The following PRIM2 variants were observed in gnomAD, a reference collection of about 807,000 sequenced individuals.
PRIM2 encodes DNA primase large subunit.
Under a neutral mutation model 67.3 loss-of-function variants are expected in PRIM2, and 39 were observed. That is an observed-to-expected ratio of 0.58 (90% CI 0.45 to 0.76). The LOEUF is 0.76. Ranked by LOEUF, PRIM2 falls within the 30% of genes least tolerant of loss-of-function variation. The pLI is 0.00. For synonymous variants in PRIM2, 143 were observed against 198.7 expected (o/e 0.72, Z 2.36); for missense variants, 398 against 598.7 (o/e 0.66, Z 3.50).
chr6:57,467,307 G>C (rs1180200646), intron 7 of PRIM2, among the ~76,000 whole-genome samples: 1 of 151,628 alleles, frequency 6.6e-6, no homozygotes, highest in Non-Finnish European at 1.5e-5. Flanking sequence ...TTTGTGAAAG[G>C]TGTAAGGAAG....
chr6:57,369,354 A>G lies in PRIM2; in HGVS notation c.460-10547A>G, dbSNP rs541751477. 1.8e-4 allele frequency among the ~76,000 whole-genome samples: 27 copies of G among 152,336 alleles called. 2 individuals carry two copies. The East Asian group carries it at 4.6e-3, about 26-fold the overall frequency. ...AGCAAGGCAGCATATAAAACAACAT[A>G]ATTTTGGAATATGGAAATATAACTT... On this transcript the variant is annotated intron_variant, in intron 5 of 13. Coordinates refer to ENST00000615550, the MANE Select transcript of PRIM2 (RefSeq NM_000947.5).
chr6:57,456,922 T>C (rs1041542415), intron 7 of PRIM2, among the ~76,000 whole-genome samples: 1 of 152,226 alleles, frequency 6.6e-6, no homozygotes, highest in South Asian at 2.1e-4. Flanking sequence ...TGTGGTTTTA[T>C]CTACCTTTGG....
chr6:57,252,766 T>A, the PRIM2 span, among the ~76,000 whole-genome samples: 16 of 152,212 alleles, frequency 1.1e-4, no homozygotes, highest in Admixed American at 1.0e-3. Flanking sequence ...TAATTGCAAC[T>A]CTGTACTGAC....
chr6:57,245,178 G>A, the PRIM2 span, among the ~76,000 whole-genome samples: 1 of 152,178 alleles, frequency 6.6e-6, no homozygotes, highest in African/African-American at 2.4e-5. Flanking sequence ...TGCCCAGGAT[G>A]GTCCCAAGGC....
intron 10 of PRIM2, among the ~76,000 whole-genome samples, chr6:57,570,984 G>T (rs1775852243): frequency 1.3e-5 from 2 of 152,060 alleles, no homozygotes; most frequent in African/African-American, 4.8e-5. Context: ...TTTACACATA[G>T]AATTTTACTG....
chr6:57,310,180 A>C (rs1223185887), upstream of PRIM2, among the ~76,000 whole-genome samples: 1 of 152,178 alleles, frequency 6.6e-6, no homozygotes, highest in Non-Finnish European at 1.5e-5. Context: ...GCAGCCAAAA[A>C]ACACATGAAA....
intron 7 of PRIM2, among the ~76,000 whole-genome samples, chr6:57,452,846 A>G (rs1480402434): frequency 0.065 from 9,962 of 152,232 alleles, 681 homozygotes; most frequent in African/African-American, 0.17. Flanking sequence ...TGTTTTAGAC[A>G]TGAAGTCCTT....
At chr6:57,358,859 C>T (rs1769112815) in intron 5 of PRIM2, among the ~76,000 whole-genome samples, 1 of 152,118 alleles carries the variant, frequency 6.6e-6, no homozygotes, top group African/African-American at 2.4e-5. Flanking sequence ...TAAAAATGGC[C>T]TCAAATTATT....
chr6:57,438,351 CTG>C (rs1268556072), intron 7 of PRIM2, among the ~76,000 whole-genome samples: 2 of 151,884 alleles, frequency 1.3e-5, no homozygotes, highest in African/African-American at 4.8e-5. Context: ...ATCTGAGGGA[CTG>C]TTATGAAAGG....
chr6:57,526,555 G>C (rs1454222430), intron 8 of PRIM2, among the ~76,000 whole-genome samples: 1 of 152,144 alleles, frequency 6.6e-6, no homozygotes, highest in African/African-American at 2.4e-5. Context: ...GACATAATTT[G>C]AATTTTGTGA....
At chr6:57,411,615 T>A (rs1771090869) in intron 7 of PRIM2, among the ~76,000 whole-genome samples, 1 of 151,838 alleles carries the variant, frequency 6.6e-6, no homozygotes, top group African/African-American at 2.4e-5. Flanking sequence ...TTAAATTTTT[T>A]AAAATCTGTG....
At chr6:57,489,543 T>C (rs1431046848) in intron 7 of PRIM2, among the ~76,000 whole-genome samples, 3 of 144,348 alleles carry the variant, frequency 2.1e-5, no homozygotes, top group South Asian at 2.1e-4. Context: ...GGCGACAGAG[T>C]GAGACCCCCG....
chr6:57,492,787 T>G (rs1773928051), intron 7 of PRIM2, among the ~76,000 whole-genome samples: 1 of 152,152 alleles, frequency 6.6e-6, no homozygotes, highest in African/African-American at 2.4e-5. Context: ...GCTACTGTAT[T>G]GTCAGCACAT....
intron 7 of PRIM2, among the ~76,000 whole-genome samples, chr6:57,459,991 C>T (rs1772946357): frequency 6.6e-6 from 1 of 152,266 alleles, no homozygotes; most frequent in African/African-American, 2.4e-5. Flanking sequence ...CCCTCCTGGT[C>T]ATGAAACATT....
intron 7 of PRIM2, among the ~76,000 whole-genome samples, chr6:57,484,013 C>T (rs1773688160): frequency 6.6e-6 from 1 of 152,112 alleles, no homozygotes; most frequent in African/African-American, 2.4e-5. Flanking sequence ...TTAAATAGTT[C>T]TCATGCCGTT....
At chr6:57,527,253 A>G (rs1774776234) in intron 8 of PRIM2, among the ~76,000 whole-genome samples, 2 of 152,212 alleles carry the variant, frequency 1.3e-5, no homozygotes, top group South Asian at 2.1e-4. Flanking sequence ...TTGTATTTTC[A>G]TAATTTCTTT....
At chr6:57,378,713 G>A (rs1769855933) in intron 5 of PRIM2, among the ~76,000 whole-genome samples, 1 of 152,090 alleles carries the variant, frequency 6.6e-6, no homozygotes, top group African/African-American at 2.4e-5. Context: ...TACATCATTT[G>A]AGCAGGAAGG....
chr6:57,550,201 CAT>C (rs1775372733), intron 10 of PRIM2, among the ~76,000 whole-genome samples: 1 of 152,048 alleles, frequency 6.6e-6, no homozygotes, highest in Non-Finnish European at 1.5e-5. Flanking sequence ...TCATCTAAAA[CAT>C]ATTTTTGAAG....
At chr6:57,251,495 C>T in the PRIM2 span, among the ~76,000 whole-genome samples, 1 of 152,166 alleles carries the variant, frequency 6.6e-6, no homozygotes, top group Non-Finnish European at 1.5e-5. Context: ...TTTGACTCTT[C>T]TGTTGAATCA....
Sources: gnomAD v4.1 joint callset for allele counts (sites outside exome capture counted in the v4.1 genomes callset) on GRCh38, gnomAD v4.1.1 for gene constraint, MANE v1.5 for transcripts, NCBI Gene and HGNC (gene_info 2026-07-23, HGNC 2026-07-21) for gene names.